Variants in PALM observed in about 807,000 individuals in gnomAD.
The protein encoded by PALM is paralemmin-1.
In PALM, 18 loss-of-function variants were observed where a neutral mutation model predicts 30.7. The observed-to-expected ratio is 0.59, with a 90% CI of 0.41 to 0.87. The LOEUF (loss-of-function observed/expected upper bound fraction) is 0.87, where lower values mean the gene tolerates loss of function less well. Ranked by LOEUF, PALM falls within the 40% of genes least tolerant of loss-of-function variation. The pLI is 0.00. For synonymous variants in PALM, 286 were observed against 242.8 expected, an observed-to-expected ratio of 1.18 and a Z score of -1.66; for missense variants, 529 against 555.4, an observed-to-expected ratio of 0.95 and a Z score of 0.48.
intron 1 of PALM, among the ~76,000 whole-genome samples, chr19:725,069 C>G (rs572310315): frequency 6.6e-6 from 1 of 151,846 alleles, no homozygotes; most frequent in Admixed American, 6.6e-5. Flanking sequence ...AATTCTCGTG[C>G]CTCAGCCTCC....
chr19:710,532 A>T (rs918314911), intron 1 of PALM, among the ~76,000 whole-genome samples: 10 of 152,078 alleles, frequency 6.6e-5, no homozygotes, highest in African/African-American at 2.4e-4. Flanking sequence ...TAGGAGGACG[A>T]CGGAGATCTC....
At chr19:731,425 G>T (rs1006475771) in intron 5 of PALM, among the ~76,000 whole-genome samples, 180 bp downstream of exon 5, 2 of 152,198 alleles carry the variant, frequency 1.3e-5, no homozygotes, top group African/African-American at 2.4e-5. Flanking sequence ...ACGTGGTTTC[G>T]CCTTGCTGGG....
intron 8 of PALM, among the ~76,000 whole-genome samples, chr19:745,262 G>A (rs886188496): frequency 2.6e-5 from 4 of 152,246 alleles, no homozygotes; most frequent in Non-Finnish European, 5.9e-5. Flanking sequence ...GCCCCGATGC[G>A]GGGAAGGAGC....
rs569679316 is a variant in PALM, at chr19:709,592, C to T, written c.5+441C>T. 2.1e-4 allele frequency among the ~76,000 whole-genome samples: 32 copies of T among 151,970 alleles called. No homozygotes were observed. Among genetic ancestry groups the T allele is most frequent in the African/African-American group, 6.7e-4 (28 of 41,514 alleles). On this transcript the variant is annotated intron_variant, in intron 1 of 8. Transcript: ENST00000338448. The surrounding 1 kb of genome is among the most constrained non-coding windows in gnomAD (Gnocchi z 4.3). Reference sequence around the variant, plus strand: ...CTTCCCCCGCCCCAGTCTGAGCGCACGGCTCCTGGCGCCCTGGACGCGCGC... The same window carrying T: ...CTTCCCCCGCCCCAGTCTGAGCGCATGGCTCCTGGCGCCCTGGACGCGCGC...
At position 726,248 on chromosome 19, in the gene PALM, G is replaced by C. The variant is rs557401670; in HGVS notation, c.57+59G>C. ...AGGGTGGGGAAGTGGGGGGACCTGG[G>C]GTCTCGGGCCCTGGACCTGTCCTAG... On this transcript the variant is annotated intron_variant, in intron 2 of 8. Transcript: ENST00000338448. The C allele has an allele frequency of 4.8e-5, 70 of 1,451,168 alleles. No individual in the cohort carries two copies. In the South Asian group the frequency reaches 6.6e-4, roughly 14 times the overall value. The allele number at this position is 1,451,168 out of a possible 1,614,324, so 89.9% of individuals were successfully genotyped here.
chr19:742,559 C>T lies in PALM; in HGVS notation c.634+2076C>T, dbSNP rs4919891. On this transcript the variant is annotated intron_variant, in intron 8 of 8. Transcript: ENST00000338448. The surrounding 1 kb of genome is among the most constrained non-coding windows in gnomAD (Gnocchi z 5.5). ...GGCGGAGGTTGCAGTGAGCCGAGAT[C>T]GCGCCACTGCTCTCCAGCCTGTGCG... Among the ~76,000 whole-genome samples the T allele has an allele frequency of 0.03, 4,488 of 151,602 alleles. 373 individuals are homozygous for T. The East Asian group carries it at 0.34, about 11-fold the overall frequency.
rs564688595 is a variant in PALM, at chr19:740,273, C to A, written c.503-79C>A. 2,433 of 1,421,830 alleles carry A rather than the reference C, an allele frequency of 1.7e-3. 4 individuals carry two copies. Among genetic ancestry groups the A allele is most frequent in the Non-Finnish European group, 2.2e-3 (2,348 of 1,053,578 alleles). The allele number at this position is 1,421,830 out of a possible 1,614,324, so 88.1% of individuals were successfully genotyped here. A position where few individuals can be genotyped will look rare whatever the true frequency, so the allele number is the denominator to read the frequency against. On this transcript the variant is annotated intron_variant, in intron 7 of 8. Transcript: ENST00000338448. ...TTGGCTCTGCGCTGCTGGCTCCCCCCTCCCTGGCTTGGCCGCAGCCCGGCG... is the reference window on the plus strand; with the variant it reads ...TTGGCTCTGCGCTGCTGGCTCCCCCATCCCTGGCTTGGCCGCAGCCCGGCG...
chr19:742,431 C>A lies in PALM; in HGVS notation c.634+1948C>A, dbSNP rs2033220290. The stretch of plus-strand genomic sequence containing the variant: ...ACCAGCCTGGCCAACATGGAGAACC[C>A]CCGTCTCTGCTAAAAATACAAAAAT... On this transcript the variant is annotated intron_variant, in intron 8 of 8. Transcript: ENST00000338448. This position sits in a 1 kb window ranked among gnomAD's most constrained non-coding sequence, Gnocchi z 5.5. Among the ~76,000 whole-genome samples, 1 of 152,208 alleles carries A rather than the reference C, an allele frequency of 6.6e-6. No individual in the cohort carries two copies. The highest frequency in any genetic ancestry group is 1.5e-5 in the Non-Finnish European group (1 of 68,008).
intron 6 of PALM, 61 bp from the exon 7 acceptor site, chr19:735,958 G>C: frequency 7.0e-7 from 1 of 1,418,806 alleles, no homozygotes; most frequent in South Asian, 1.2e-5. Context: ...GGCTGTCTGG[G>C]GGGTCCATGT....
chr19:746,182 A>C lies in PALM; in HGVS notation c.635-103A>C. ...CGTGATTTCCTCTTTAGCCTGGAGG[A>C]GGATACAAGCCTTGCCAAGGTTTCC... On this transcript the variant is annotated intron_variant, in intron 8 of 8. Coordinates refer to ENST00000338448, the MANE Select transcript of PALM (RefSeq NM_002579.3). This position sits in a 1 kb window ranked among gnomAD's most constrained non-coding sequence, Gnocchi z 7.1. 1 of 794,138 alleles carries C rather than the reference A, an allele frequency of 1.3e-6. No individual in the cohort carries two copies. The highest frequency in any genetic ancestry group is 2.3e-5 in the Admixed American group (1 of 43,556). The allele number at this position is 794,138 out of a possible 1,614,324, so 49.2% of individuals were successfully genotyped here. A position where few individuals can be genotyped will look rare whatever the true frequency, so the allele number is the denominator to read the frequency against.
chr19:726,961 C>CCA, intron 2 of PALM, 47 bp from the exon 3 acceptor site: 1 of 1,166,750 alleles, frequency 8.6e-7, no homozygotes. Flanking sequence ...GGGGGGGTCT[C>CCA]CGGGACCCCC....
chr19:746,349 C>T lies in PALM; in HGVS notation c.699C>T (p.Asp233=), dbSNP rs757864938. 7.4e-6 allele frequency: 12 copies of T among 1,612,582 alleles called. No individual in the cohort carries two copies. Among genetic ancestry groups the T allele is most frequent in the East Asian group, 6.7e-5 (3 of 44,860 alleles). ...GIHPLSSSEV[D]ELIHKADEVT... ...ACCCCCTGAGCTCCTCCGAGGTGGA[C>T]GAACTCATCCACAAAGCGGACGAGG... Residue 233 remains aspartate, a synonymous_variant, in exon 9 of 9, where the codon GAC becomes GAT. Transcript: ENST00000338448. The surrounding 1 kb of genome is among the most constrained non-coding windows in gnomAD (Gnocchi z 7.1).
intron 5 of PALM, 37 bp from the exon 6 acceptor site, chr19:734,136 G>C: frequency 6.2e-7 from 1 of 1,612,514 alleles, no homozygotes; most frequent in Non-Finnish European, 8.5e-7. Context: ...TCCCGGGGAT[G>C]CTGACGCCCC....
chr19:728,532 G>A (rs1468776000), intron 4 of PALM, among the ~76,000 whole-genome samples: 2 of 152,240 alleles, frequency 1.3e-5, no homozygotes, highest in African/African-American at 2.4e-5. Flanking sequence ...GACAGGCCGG[G>A]TGCGGTGGTT....
At chr19:723,572 T>C (rs1376287118) in intron 1 of PALM, among the ~76,000 whole-genome samples, 1 of 152,018 alleles carries the variant, frequency 6.6e-6, no homozygotes, top group Admixed American at 6.6e-5. Flanking sequence ...TCGGTGCTCC[T>C]TGCGTTTTTC....
intron 3 of PALM, 90 bp downstream of exon 3, chr19:727,178 CAA>C (rs1274898439): frequency 2.4e-6 from 2 of 830,814 alleles, no homozygotes; most frequent in Admixed American, 2.2e-5. Flanking sequence ...ACCCTGACCC[CAA>C]TCCCAACCTG....
intron 1 of PALM, among the ~76,000 whole-genome samples, chr19:716,415 A>C (rs1024429767): frequency 1.3e-5 from 2 of 151,582 alleles, no homozygotes; most frequent in Admixed American, 6.6e-5. Context: ...TTCTCTCAAA[A>C]AAAAAAAAAA....
chr19:735,327 G>T (rs1306769149), intron 6 of PALM, among the ~76,000 whole-genome samples: 2 of 147,448 alleles, frequency 1.4e-5, no homozygotes, highest in Admixed American at 1.3e-4. Context: ...GGGCCCACAG[G>T]TGCCTGTGTC....
rs755485847 is a variant in PALM at position 746,510 on chromosome 19, C to T, written c.860C>T (p.Pro287Leu). The change falls in exon 9 of 9, where the codon CCG becomes CTG. Residue 287 changes from proline (P) to leucine (L), a missense_variant. Transcript: ENST00000338448. The surrounding 1 kb of genome is among the most constrained non-coding windows in gnomAD (Gnocchi z 7.1). ...QAQPGEATSG[P>L]PGIQPGQEPP... ...CAGCCAGGCGAGGCCACGTCCGGCC[C>T]GCCGGGGATCCAGCCCGGCCAGGAG... 10 of 1,612,540 alleles carry T rather than the reference C, an allele frequency of 6.2e-6. No individual in the cohort carries two copies. The highest frequency in any genetic ancestry group is 3.3e-4 in the Middle Eastern group (2 of 6,060).
Sources: allele counts gnomAD v4.1 joint callset (sites outside exome capture counted in the v4.1 genomes callset), GRCh38; gene constraint gnomAD v4.1.1; non-coding constraint Gnocchi (gnomAD v3.1); transcripts MANE v1.5; gene names NCBI Gene and HGNC (gene_info 2026-07-23, HGNC 2026-07-21).